Variants in AGBL1 observed in about 807,000 individuals in gnomAD.
The protein encoded by AGBL1 is cytosolic carboxypeptidase 4.
AGBL1 carries 130 observed loss-of-function variants against 118.9 expected under a neutral mutation model. That is an observed-to-expected ratio of 1.09 (90% CI 0.95 to 1.26). The LOEUF is 1.26. Ranked by LOEUF, AGBL1 falls within the 50% of genes most tolerant of loss-of-function variation. The pLI is 0.00. For synonymous variants in AGBL1, 555 were observed against 478.9 expected, an observed-to-expected ratio of 1.16 and a Z score of -2.08; for missense variants, 1,584 against 1,298.1, an observed-to-expected ratio of 1.22 and a Z score of -3.38.
chr15:86,188,862 T>C (rs1388033741), intron 5 of AGBL1, among the ~76,000 whole-genome samples: 1 of 152,186 alleles, frequency 6.6e-6, no homozygotes, highest in African/African-American at 2.4e-5. Flanking sequence ...TTTGGAAATA[T>C]GTTGAGGATG....
At chr15:86,166,588 G>T (rs148069975) in intron 5 of AGBL1, among the ~76,000 whole-genome samples, 1 of 152,280 alleles carries the variant, frequency 6.6e-6, no homozygotes, top group South Asian at 2.1e-4. Flanking sequence ...CACCTTTGAG[G>T]TGTTCTCTAA....
At chr15:86,294,477 T>A (rs11630233) in intron 16 of AGBL1, among the ~76,000 whole-genome samples, 24,097 of 150,482 alleles carry the variant, frequency 0.16, 2,110 homozygotes, top group Admixed American at 0.2. Flanking sequence ...TTTTTTTTTT[T>A]AAATGAGTAT....
intron 24 of AGBL1, among the ~76,000 whole-genome samples, chr15:87,021,016 A>C (rs1275070480): frequency 1.3e-5 from 2 of 152,170 alleles, no homozygotes; most frequent in African/African-American, 4.8e-5. Context: ...ATTCATATGA[A>C]ACCAAAAAAG....
rs552026481 is a variant in AGBL1, at chr15:86,503,126, T to A, written c.2556-19684T>A. On this transcript the variant is annotated intron_variant, in intron 18 of 22. Coordinates refer to ENST00000614907, the MANE Select transcript of AGBL1 (RefSeq NM_001386094.1). ...TAATAATTCAATCTTTTATTTATTA[T>A]AGGTCTATTTCAATTTAATATTTTC... 4.0e-5 allele frequency among the ~76,000 whole-genome samples: 6 copies of A among 151,660 alleles called. No individual in the cohort carries two copies. In the South Asian group the frequency reaches 1.2e-3, roughly 31 times the overall value.
chr15:86,257,021 A>G lies in AGBL1; in HGVS notation c.901+3A>G. 1.2e-6 allele frequency: 2 copies of G among 1,612,598 alleles called. No individual in the cohort carries two copies. Among genetic ancestry groups the G allele is most frequent in the Non-Finnish European group, 1.7e-6 (2 of 1,179,234 alleles). ...ACCTCCACATGATCTACCTGAAGGT[A>G]AAATAAGTTGGTAACTATGACCTTT... is the stretch of plus-strand genomic sequence containing the variant. On this transcript the variant is annotated splice_donor_region_variant and intron_variant, in intron 8 of 22. Transcript: ENST00000614907.
intron 1 of AGBL1, among the ~76,000 whole-genome samples, chr15:86,088,849 C>G (rs777357771): frequency 7.9e-4 from 120 of 152,140 alleles, no homozygotes; most frequent in Non-Finnish European, 1.6e-3. Flanking sequence ...TATGCCCCAC[C>G]TCTCTCATTT....
intron 21 of AGBL1, among the ~76,000 whole-genome samples, chr15:86,556,974 A>G (rs1292330006): frequency 1.3e-5 from 2 of 152,226 alleles, no homozygotes; most frequent in Non-Finnish European, 2.9e-5. Context: ...AGTGACATTT[A>G]TATTGGAACT....
intron 22 of AGBL1, among the ~76,000 whole-genome samples, chr15:86,726,160 A>G (rs926012568): frequency 1.3e-5 from 2 of 152,248 alleles, no homozygotes; most frequent in African/African-American, 4.8e-5. Flanking sequence ...GATGCCATAA[A>G]CAAAGCCCTG....
At chr15:86,591,568 T>A (rs1029606645) in intron 21 of AGBL1, among the ~76,000 whole-genome samples, 4 of 152,142 alleles carry the variant, frequency 2.6e-5, no homozygotes, top group African/African-American at 7.2e-5. Flanking sequence ...TACCAGTTTA[T>A]TATAAAAGAT....
chr15:86,407,459 C>T (rs908676022), intron 18 of AGBL1, among the ~76,000 whole-genome samples: 3 of 152,168 alleles, frequency 2.0e-5, no homozygotes, highest in Non-Finnish European at 2.9e-5. Context: ...GGTAAGTGCC[C>T]AATATATGTC....
chr15:86,796,080 G>C (rs1347876797), intron 22 of AGBL1, among the ~76,000 whole-genome samples: 1 of 151,992 alleles, frequency 6.6e-6, no homozygotes, highest in Non-Finnish European at 1.5e-5. Context: ...GCACACATTG[G>C]TACAATTATC....
At chr15:86,792,234 A>C (rs2141332282) in intron 22 of AGBL1, among the ~76,000 whole-genome samples, 1 of 152,216 alleles carries the variant, frequency 6.6e-6, no homozygotes, top group East Asian at 1.9e-4. Flanking sequence ...TCTGCATCAG[A>C]ATTCCATGGG....
chr15:86,529,783 A>T (rs919963841), intron 19 of AGBL1, among the ~76,000 whole-genome samples: 1 of 151,978 alleles, frequency 6.6e-6, no homozygotes, highest in African/African-American at 2.4e-5. Flanking sequence ...TGCAAGCCAG[A>T]AGAGACTGGG....
intron 21 of AGBL1, among the ~76,000 whole-genome samples, chr15:86,564,443 A>T (rs2083881066): frequency 6.6e-6 from 1 of 152,246 alleles, no homozygotes. Flanking sequence ...TTCTTTAAGA[A>T]TGTTGAATGT....
At chr15:86,745,217 C>A (rs773933091) in intron 22 of AGBL1, among the ~76,000 whole-genome samples, 2 of 151,982 alleles carry the variant, frequency 1.3e-5, no homozygotes, top group Non-Finnish European at 2.9e-5. Context: ...TTGCTATTTG[C>A]TGAGGTCTTA....
rs562031915 is a variant in AGBL1 at position 86,906,352 on chromosome 15, A to G, written c.3159-735A>G. 4.6e-5 allele frequency among the ~76,000 whole-genome samples: 7 copies of G among 152,358 alleles called. No individual in the cohort carries two copies. In the South Asian group the frequency reaches 1.2e-3, roughly 27 times the overall value. ...ATGTTCGTTCCTACTGCCCCCTTCT[A>G]TCGCTTGCTGGTCAACCCCTGTTGA... On this transcript the variant is annotated intron_variant, in intron 22 of 22. Coordinates refer to ENST00000614907, the MANE Select transcript of AGBL1 (RefSeq NM_001386094.1).
chr15:86,846,869 C>A (rs1468403292), intron 22 of AGBL1, among the ~76,000 whole-genome samples: 1 of 152,168 alleles, frequency 6.6e-6, no homozygotes, highest in African/African-American at 2.4e-5. Context: ...TTTTCATATT[C>A]TTTTTCTGGC....
intron 22 of AGBL1, among the ~76,000 whole-genome samples, chr15:86,769,202 GGAGAGA>G (rs56130631): frequency 1.5e-4 from 21 of 143,650 alleles, no homozygotes; most frequent in South Asian, 6.7e-4. Context: ...AGAGAAAGAG[GGAGAGA>G]GAGAGAGAGA....
intron 22 of AGBL1, among the ~76,000 whole-genome samples, chr15:86,772,063 G>C (rs556994513): frequency 6.6e-6 from 1 of 152,148 alleles, no homozygotes; most frequent in East Asian, 1.9e-4. Flanking sequence ...TCTGAGAGTG[G>C]AAGTATAAGA....
Sources: allele counts gnomAD v4.1 joint callset (sites outside exome capture counted in the v4.1 genomes callset), GRCh38; gene constraint gnomAD v4.1.1; transcripts MANE v1.5; gene names NCBI Gene and HGNC (gene_info 2026-07-23, HGNC 2026-07-21).